The following C2CD3 variants were observed in gnomAD, a reference collection of about 807,000 sequenced individuals.
C2CD3 encodes C2 domain-containing protein 3.
In C2CD3, 148 loss-of-function variants were observed where a neutral mutation model predicts 234.0. That is an observed-to-expected ratio of 0.63 (90% CI 0.55 to 0.72). The LOEUF is 0.72. Among genes scored for constraint, C2CD3 ranks in the 30% least tolerant of loss-of-function variants. The pLI, the probability that C2CD3 is intolerant of heterozygous loss-of-function variation, is 0.00. For synonymous variants in C2CD3, 1,000 were observed against 1,035.4 expected (o/e 0.97, Z 0.66); for missense variants, 2,577 against 2,811.5 (o/e 0.92, Z 1.89).
chr11:74,031,416 GCA>G (rs894618179), intron 31 of C2CD3, among the ~76,000 whole-genome samples: 3 of 152,182 alleles, frequency 2.0e-5, no homozygotes, highest in South Asian at 2.1e-4. Flanking sequence ...CGAGGCCTCT[GCA>G]CACACAGTTT....
intron 17 of C2CD3, among the ~76,000 whole-genome samples, 200 bp from the exon 18 acceptor site, chr11:74,094,199 G>GT (rs10717136): frequency 0.012 from 1,669 of 136,810 alleles, 23 homozygotes; most frequent in African/African-American, 0.036. Flanking sequence ...CACTTGTTAG[G>GT]TTTTTTTTTT....
rs144887359 is a variant in C2CD3, at chr11:74,132,148, C to T, written c.1217+696G>A. Among the ~76,000 whole-genome samples the T allele has an allele frequency of 1.2e-3, 184 of 152,148 alleles. 1 individual carries two copies. The highest frequency in any genetic ancestry group is 4.4e-3 in the African/African-American group (182 of 41,514). The stretch of plus-strand genomic sequence containing the variant: ...AGTGGATCACTTGAGGTCAAGAGTT[C>T]GAGACCAGCCTGGACAACAAGGTGA... On this transcript the variant is annotated intron_variant, in intron 7 of 32. Coordinates refer to ENST00000334126, the MANE Select transcript of C2CD3 (RefSeq NM_001286577.2).
At chr11:74,087,596 A>C (rs932186401) in intron 20 of C2CD3, among the ~76,000 whole-genome samples, 4 of 152,094 alleles carry the variant, frequency 2.6e-5, no homozygotes, top group African/African-American at 9.7e-5. Flanking sequence ...AAATACTCAT[A>C]GGGTGTTGTA....
In C2CD3 at chr11:74,139,712, T is replaced by C; in HGVS notation, c.600A>G (p.Glu200=). The change falls in exon 4 of 33, where the codon GAA becomes GAG. Residue 200 remains glutamate (E), a synonymous_variant. Coordinates refer to ENST00000334126, the MANE Select transcript of C2CD3 (RefSeq NM_001286577.2). ...GAACCTGAAACTGGGTACTGCTGGG[T>C]TCAGTATTCTCTCTGAATCCCTGCT... is the stretch of plus-strand genomic sequence containing the variant. ...LSKQGFRENT[E]PSSTQFQVPS... The C allele has an allele frequency of 1.2e-6, 2 of 1,613,520 alleles. No individual in the cohort carries two copies. The highest frequency in any genetic ancestry group is 1.7e-6 in the Non-Finnish European group (2 of 1,179,482).
intron 9 of C2CD3, among the ~76,000 whole-genome samples, 186 bp downstream of exon 9, chr11:74,118,042 A>AC (rs1957088380): frequency 6.6e-6 from 1 of 152,202 alleles, no homozygotes; most frequent in Non-Finnish European, 1.5e-5. Flanking sequence ...GTTCCCCAAA[A>AC]CCTATGGAAA....
chr11:74,170,783 G>A lies in C2CD3; in HGVS notation c.10C>T (p.Arg4Ter), dbSNP rs960189215. Residue 4 changes from arginine to a stop codon, truncating the protein, a stop_gained, in exon 1 of 33, where the codon CGA becomes TGA. Transcript: ENST00000334126. LOFTEE classifies it high-confidence loss of function. MKQ[R>*]KGQGSGGSRG... is the part of the protein sequence containing the mutation. ...CTGCCCCCAGACCCTTGGCCTTTTC[G>A]TTGTTTCATGATGAGCCCGAGCTCT... The A allele has an allele frequency of 4.5e-5, 72 of 1,613,962 alleles. No homozygotes were observed. The highest frequency in any genetic ancestry group is 6.0e-5 in the Non-Finnish European group (71 of 1,180,020).
chr11:74,162,894 A>G (rs1199972681), intron 2 of C2CD3, among the ~76,000 whole-genome samples: 1 of 152,204 alleles, frequency 6.6e-6, no homozygotes, highest in Admixed American at 6.5e-5. Context: ...TCCCAGGAGT[A>G]TCTAATTGCA....
rs532423617 is a variant in C2CD3, at chr11:74,064,800, T to C, written c.4952-7256A>G. 3.5e-4 allele frequency among the ~76,000 whole-genome samples: 54 copies of C among 152,228 alleles called. 2 individuals carry two copies. In the Middle Eastern group the frequency reaches 0.02, roughly 58 times the overall value. On this transcript the variant is annotated intron_variant, in intron 24 of 32. Transcript: ENST00000334126. ...ACAACCATCTGATCTTTGACAAACC[T>C]GACAAAAACAAATGGGAAAAGAATT... is the stretch of plus-strand genomic sequence containing the variant.
chr11:74,028,990 C>T (rs545562058), intron 31 of C2CD3, among the ~76,000 whole-genome samples: 2 of 152,332 alleles, frequency 1.3e-5, no homozygotes, highest in Non-Finnish European at 2.9e-5. Flanking sequence ...TGCTCACATT[C>T]AGAAATGAGA....
chr11:74,085,803 A>T lies in C2CD3; in HGVS notation c.3725T>A (p.Leu1242Gln), dbSNP rs759680449. ...GGTTCGGCGCTGTTCTCCCTGGGGC[A>T]GGAAGGAGAGATGAGTGGTGACAGA... Reference protein sequence around the residue: ...NASVTTHLSFLPQGEQRRTHP... With the variant: ...NASVTTHLSFQPQGEQRRTHP... Residue 1242 changes from leucine to glutamine, a missense_variant, in exon 21 of 33, where the codon CTG (leucine) becomes CAG (glutamine). Coordinates refer to ENST00000334126, the MANE Select transcript of C2CD3 (RefSeq NM_001286577.2). 1.1e-5 allele frequency: 17 copies of T among 1,614,190 alleles called. No homozygotes were observed. The highest frequency in any genetic ancestry group is 1.4e-5 in the Non-Finnish European group (17 of 1,180,026).
intron 16 of C2CD3, among the ~76,000 whole-genome samples, chr11:74,097,416 C>G (rs531605653): frequency 3.9e-5 from 6 of 152,252 alleles, no homozygotes; most frequent in African/African-American, 1.2e-4. Flanking sequence ...GTTAGAAGAC[C>G]TGTGTCTGAA....
chr11:74,099,895 C>CA lies in C2CD3; in HGVS notation c.2732+629dup, dbSNP rs370465812. Among the ~76,000 whole-genome samples, 816 of 91,674 alleles carry CA rather than the reference C, an allele frequency of 8.9e-3. 4 individuals carry two copies. Among genetic ancestry groups the CA allele is most frequent in the Non-Finnish European group, 0.012 (512 of 42,218 alleles). 60.1% of individuals were successfully genotyped at this position (91,674 alleles called of 152,430 possible). ...TGGGCAACAGAGTGAGACTCCGTCTCAAAAAAAAAAAAAAAGAAAAACAAC... is the reference window on the plus strand; with the variant it reads ...TGGGCAACAGAGTGAGACTCCGTCTCAAAAAAAAAAAAAAAAGAAAAACAAC... On this transcript the variant is annotated intron_variant, in intron 15 of 32. Transcript: ENST00000334126.
At position 74,161,544 on chromosome 11, in the gene C2CD3, AG is replaced by A; in HGVS notation, c.337del (p.Leu113TrpfsTer5). 1 of 1,576,558 alleles carries A rather than the reference AG, an allele frequency of 6.3e-7. No homozygotes were observed. Among genetic ancestry groups the A allele is most frequent in the Non-Finnish European group, 8.6e-7 (1 of 1,165,668 alleles). On this transcript the variant is annotated frameshift_variant, in exon 3 of 33. Transcript: ENST00000334126. LOFTEE classifies it high-confidence loss of function. ...FTSYLTDMAV[L>X]VLEVITKLDG... is the part of the protein sequence containing the mutation. ...AAGTTTGGTGATTACTTCCAGCACC[AG>A]CACAGCCATATCTAACCAGAAACAA...
At chr11:74,031,554 C>T (rs1275084867) in intron 31 of C2CD3, among the ~76,000 whole-genome samples, 1 of 152,202 alleles carries the variant, frequency 6.6e-6, no homozygotes, top group East Asian at 1.9e-4. Context: ...CTCATGGTCC[C>T]TCGCGTTCTG....
At chr11:74,131,383 T>C (rs1473538474) in intron 7 of C2CD3, among the ~76,000 whole-genome samples, 1 of 151,614 alleles carries the variant, frequency 6.6e-6, no homozygotes, top group Admixed American at 6.6e-5. Context: ...CAGATATAGA[T>C]AATGGTGGAT....
chr11:74,101,470 T>C (rs948635705), intron 14 of C2CD3, among the ~76,000 whole-genome samples: 6 of 152,182 alleles, frequency 3.9e-5, no homozygotes, highest in African/African-American at 1.4e-4. Context: ...GCAGAGCTAC[T>C]TTTGTATCCA....
chr11:74,116,911 TATATATAC>T, intron 9 of C2CD3, among the ~76,000 whole-genome samples: 1 of 119,978 alleles, frequency 8.3e-6, no homozygotes, highest in African/African-American at 3.5e-5. Flanking sequence ...CACGTGTATG[TATATATAC>T]ATATACACGT....
intron 20 of C2CD3, 63 bp downstream of exon 20, chr11:74,090,750 G>A: frequency 6.3e-7 from 1 of 1,585,718 alleles, no homozygotes; most frequent in South Asian, 1.1e-5. Flanking sequence ...GCATATCTGA[G>A]CATTATTTTA....
At chr11:74,024,837 C>A (rs1347440669) in intron 32 of C2CD3, among the ~76,000 whole-genome samples, 2 of 152,066 alleles carry the variant, frequency 1.3e-5, no homozygotes, top group Non-Finnish European at 2.9e-5. Context: ...GAGAGAGGCC[C>A]ATCACTAGCC....
Sources: gnomAD v4.1 joint callset for allele counts (sites outside exome capture counted in the v4.1 genomes callset) on GRCh38, gnomAD v4.1.1 for gene constraint, MANE v1.5 for transcripts, NCBI Gene and HGNC (gene_info 2026-07-23, HGNC 2026-07-21) for gene names.